CHST11: variants seen among roughly 807,000 people sequenced by gnomAD.
CHST11 encodes the protein carbohydrate sulfotransferase 11.
A neutral mutation model predicts 30.4 loss-of-function variants in CHST11; 9 were observed. The ratio of observed to expected loss-of-function variants is 0.30; its 90% CI spans 0.18 to 0.52. The LOEUF (loss-of-function observed/expected upper bound fraction) is 0.52. Ranked by LOEUF, CHST11 falls within the 20% of genes least tolerant of loss-of-function variation. The probability of loss-of-function intolerance (pLI) is 0.97; values close to 1 mark genes in which losing one functional copy is unlikely to be tolerated. For synonymous variants in CHST11, 152 were observed against 187.8 expected (o/e 0.81, Z 1.56); for missense variants, 348 against 460.6 (o/e 0.76, Z 2.24).
chr12:104,460,392 G>A (rs558874344), intron 1 of CHST11, among the ~76,000 whole-genome samples: 46 of 152,284 alleles, frequency 3.0e-4, no homozygotes, highest in African/African-American at 1.0e-3. Flanking sequence ...GGCAGGGCGC[G>A]GTGGCTCATA....
At chr12:104,581,210 GC>G (rs2038740836) in intron 1 of CHST11, among the ~76,000 whole-genome samples, 1 of 152,264 alleles carries the variant, frequency 6.6e-6, no homozygotes, top group South Asian at 2.1e-4. Flanking sequence ...AAGGGTGTTG[GC>G]CTTCATTAGC....
chr12:104,655,273 C>T (rs751888438), intron 2 of CHST11, among the ~76,000 whole-genome samples: 1 of 152,238 alleles, frequency 6.6e-6, no homozygotes, highest in South Asian at 2.1e-4. Flanking sequence ...CTGACCTTCG[C>T]GCCGGAGGCG....
chr12:104,632,614 A>G (rs557753621), intron 2 of CHST11, among the ~76,000 whole-genome samples: 10 of 152,334 alleles, frequency 6.6e-5, no homozygotes, highest in African/African-American at 2.4e-4. Flanking sequence ...AAATCACTTT[A>G]TGTGATGGGT....
intron 2 of CHST11, among the ~76,000 whole-genome samples, chr12:104,684,433 TATC>T (rs763626386): frequency 4.6e-4 from 70 of 152,326 alleles, no homozygotes; most frequent in Non-Finnish European, 5.1e-4. Context: ...AGCCCAACTC[TATC>T]ATCTGTAAAA....
At chr12:104,687,002 T>C (rs1224236032) in intron 2 of CHST11, among the ~76,000 whole-genome samples, 20 of 152,000 alleles carry the variant, frequency 1.3e-4, no homozygotes, top group Admixed American at 1.2e-3. Context: ...TCAGTTTGCA[T>C]CTCTCTCTCT....
intron 1 of CHST11, among the ~76,000 whole-genome samples, chr12:104,459,850 C>T (rs1395339159): frequency 6.6e-6 from 1 of 152,172 alleles, no homozygotes; most frequent in East Asian, 1.9e-4. Context: ...TATTTCCCTC[C>T]AGTCCATAGC....
intron 1 of CHST11, among the ~76,000 whole-genome samples, chr12:104,490,623 G>T (rs149495523): frequency 6.6e-6 from 1 of 152,334 alleles, no homozygotes; most frequent in East Asian, 1.9e-4. Context: ...TGGAGTTGAT[G>T]CTGCATTTTT....
In CHST11 at chr12:104,600,241, C is replaced by T. The variant is rs927816438; in HGVS notation, c.119-1665C>T. Among the ~76,000 whole-genome samples, 1 of 152,194 alleles carries T rather than the reference C, an allele frequency of 6.6e-6. No individual in the cohort carries two copies. The highest frequency in any genetic ancestry group is 2.4e-5 in the African/African-American group (1 of 41,436). ...CCTCCGGAGACCTTCCAGATGTCATCAGCTGCTTTTGGATGACTCTCCTCC... is the reference window on the plus strand; with the variant it reads ...CCTCCGGAGACCTTCCAGATGTCATTAGCTGCTTTTGGATGACTCTCCTCC... On this transcript the variant is annotated intron_variant, in intron 1 of 2. Transcript: ENST00000303694. The surrounding 1 kb of genome is among the most constrained non-coding windows in gnomAD (Gnocchi z 4.1).
intron 2 of CHST11, among the ~76,000 whole-genome samples, chr12:104,722,456 CT>C (rs1292157130): frequency 2.6e-5 from 4 of 152,280 alleles, no homozygotes; most frequent in Middle Eastern, 6.8e-3. Flanking sequence ...TGTATATTGA[CT>C]GAACTGCAGT....
At chr12:104,718,919 G>C (rs535061375) in intron 2 of CHST11, among the ~76,000 whole-genome samples, 1 of 152,204 alleles carries the variant, frequency 6.6e-6, no homozygotes, top group African/African-American at 2.4e-5. Flanking sequence ...GTTACTGAAG[G>C]CTTGAACAGT....
chr12:104,475,688 A>ATATATATATATATATATATATATTTATT (rs1555226434), intron 1 of CHST11, among the ~76,000 whole-genome samples: 6 of 78,468 alleles, frequency 7.6e-5, no homozygotes, highest in Admixed American at 1.9e-4. Context: ...ATATATATAT[A>ATATATATATATATATATATATATTTATT]TATTTCTGAT....
intron 2 of CHST11, among the ~76,000 whole-genome samples, chr12:104,712,627 C>CTGTG (rs2040096704): frequency 6.6e-6 from 1 of 152,188 alleles, no homozygotes; most frequent in East Asian, 1.9e-4. Flanking sequence ...CACGTCTACA[C>CTGTG]TAATCAGCTG....
chr12:104,536,161 A>G (rs2135998065), intron 1 of CHST11, among the ~76,000 whole-genome samples: 1 of 152,320 alleles, frequency 6.6e-6, no homozygotes, highest in South Asian at 2.1e-4. Context: ...CTGGGAAAGT[A>G]TCTTCGGGAT....
intron 2 of CHST11, among the ~76,000 whole-genome samples, chr12:104,741,085 A>C (rs1021636134): frequency 2.6e-5 from 4 of 152,290 alleles, no homozygotes; most frequent in African/African-American, 9.6e-5. Context: ...TGCCTGGGAC[A>C]CTGAGATACC....
At chr12:104,743,883 G>A (rs894537263) in intron 2 of CHST11, among the ~76,000 whole-genome samples, 9 of 152,080 alleles carry the variant, frequency 5.9e-5, no homozygotes, top group Admixed American at 3.3e-4. Flanking sequence ...TTCTGCATTC[G>A]TTTGCTAAGG....
At chr12:104,550,257 C>T (rs1428499398) in intron 1 of CHST11, among the ~76,000 whole-genome samples, 1 of 152,178 alleles carries the variant, frequency 6.6e-6, no homozygotes, top group African/African-American at 2.4e-5. Flanking sequence ...GCATTTCCCC[C>T]ATGTGGTCTG....
At position 104,513,134 on chromosome 12, in the gene CHST11, G is replaced by GGC. The variant is rs2037984769; in HGVS notation, c.118+55606_118+55607insCG. Among the ~76,000 whole-genome samples the GGC allele has an allele frequency of 1.9e-5, 2 of 107,930 alleles. 1 individual carries two copies. Among genetic ancestry groups the GGC allele is most frequent in the Admixed American group, 1.8e-4 (2 of 11,364 alleles). 70.8% of individuals were successfully genotyped at this position (107,930 alleles called of 152,430 possible). A position where few individuals can be genotyped will look rare whatever the true frequency, so the allele number is the denominator to read the frequency against. On this transcript the variant is annotated intron_variant, in intron 1 of 2. Transcript: ENST00000303694. ...CCAAATGTCATGACTGGGGGGGGGG[G>GGC]GGGTTGGGGGTGGGGAGGGAGGGAG... is the stretch of plus-strand genomic sequence containing the variant.
intron 1 of CHST11, among the ~76,000 whole-genome samples, chr12:104,495,407 C>T (rs2037789891): frequency 6.6e-6 from 1 of 152,180 alleles, no homozygotes; most frequent in Non-Finnish European, 1.5e-5. Context: ...CTCTTTTCCA[C>T]AGTGGTCGTG....
rs112540825 is a variant in CHST11, at chr12:104,734,775, G to A, written c.205-22174G>A. ...TGAGAACTGGCGCTCTGCCTCCTGG[G>A]AGCTTTATGGCAAAGTAACAGCAAG... On this transcript the variant is annotated intron_variant, in intron 2 of 2. Transcript: ENST00000303694. Among the ~76,000 whole-genome samples the A allele has an allele frequency of 2.4e-4, 37 of 152,302 alleles. 1 individual carries two copies. The highest frequency in any genetic ancestry group is 6.0e-4 in the African/African-American group (25 of 41,546).
Sources: gnomAD v4.1 joint callset for allele counts (sites outside exome capture counted in the v4.1 genomes callset) on GRCh38, gnomAD v4.1.1 for gene constraint, Gnocchi (gnomAD v3.1) non-coding constraint, MANE v1.5 for transcripts, NCBI Gene and HGNC (gene_info 2026-07-23, HGNC 2026-07-21) for gene names.